Variants in FRYL observed in about 807,000 individuals in gnomAD.
FRYL encodes the protein FRY like transcription coactivator, also known as protein furry homolog-like.
FRYL carries 150 observed loss-of-function variants against 351.2 expected under a neutral mutation model. The observed-to-expected ratio is 0.43, with a 90% CI of 0.37 to 0.49. The LOEUF (loss-of-function observed/expected upper bound fraction) is 0.49, where lower values mean the gene tolerates loss of function less well. Among genes scored for constraint, FRYL ranks in the 20% least tolerant of loss-of-function variants. The pLI, the probability that FRYL is intolerant of heterozygous loss-of-function variation, is 0.00. For synonymous variants in FRYL, 1,153 were observed against 1,257.1 expected (o/e 0.92, Z 1.75); for missense variants, 3,036 against 3,619.3 (o/e 0.84, Z 4.13).
chr4:48,562,641 C>T lies in FRYL; in HGVS notation c.3696+248G>A, dbSNP rs1404709420. ...ACATATTTATAAGTACCTTCATACA[C>T]ATACACACACATTATCATAAATAAT... On this transcript the variant is annotated intron_variant, in intron 32 of 63. Coordinates refer to ENST00000358350, the MANE Select transcript of FRYL (RefSeq NM_015030.2). Among the ~76,000 whole-genome samples the T allele has an allele frequency of 5.9e-5, 9 of 152,290 alleles. No homozygotes were observed. In the South Asian group the frequency reaches 1.7e-3, roughly 28 times the overall value.
chr4:48,647,155 T>C (rs1376060388), intron 3 of FRYL, among the ~76,000 whole-genome samples: 2 of 152,160 alleles, frequency 1.3e-5, no homozygotes, highest in Admixed American at 6.5e-5. Flanking sequence ...GCCGAGATAC[T>C]ACAACTGAAG....
chr4:48,647,808 C>T (rs970134400), intron 3 of FRYL, among the ~76,000 whole-genome samples: 27 of 152,162 alleles, frequency 1.8e-4, no homozygotes, highest in Non-Finnish European at 4.4e-5. Context: ...TTAGGATCCA[C>T]TTCTCAAAGC....
chr4:48,604,918 G>GA (rs1345681071), intron 11 of FRYL, among the ~76,000 whole-genome samples: 1 of 149,754 alleles, frequency 6.7e-6, no homozygotes, highest in Non-Finnish European at 1.5e-5. Flanking sequence ...CCATCTGGGA[G>GA]AAAAAAAAAG....
intron 3 of FRYL, among the ~76,000 whole-genome samples, chr4:48,676,468 A>G (rs1443254690): frequency 6.6e-6 from 1 of 152,150 alleles, no homozygotes; most frequent in Non-Finnish European, 1.5e-5. Flanking sequence ...TGAGACCAAG[A>G]AACCACCAAT....
intron 1 of FRYL, among the ~76,000 whole-genome samples, chr4:48,732,165 A>C (rs898039561): frequency 6.6e-6 from 1 of 152,248 alleles, no homozygotes; most frequent in Non-Finnish European, 1.5e-5. Context: ...GCCAACAGAC[A>C]TTTGAAAAAA....
rs368836208 is a variant in FRYL, at chr4:48,642,351, C to T, written c.-80-7861G>A. On this transcript the variant is annotated intron_variant, in intron 3 of 63. Coordinates refer to ENST00000358350, the MANE Select transcript of FRYL (RefSeq NM_015030.2). Reference sequence around the variant, plus strand: ...TGACACACCTCCATTAACTCGTCTTCTTTTGTGTACCTAGAGAAAAAAATG... The same window carrying T: ...TGACACACCTCCATTAACTCGTCTTTTTTTGTGTACCTAGAGAAAAAAATG... Among the ~76,000 whole-genome samples the T allele has an allele frequency of 7.2e-5, 11 of 152,220 alleles. No homozygotes were observed. The South Asian group carries it at 2.3e-3, about 32-fold the overall frequency.
At position 48,534,618 on chromosome 4, in the gene FRYL, T is replaced by G. The variant is rs529130639; in HGVS notation, c.6632A>C (p.His2211Pro). 1.2e-5 allele frequency: 19 copies of G among 1,603,106 alleles called. No individual in the cohort carries two copies. Among genetic ancestry groups the G allele is most frequent in the Non-Finnish European group, 1.6e-5 (19 of 1,170,294 alleles). The change falls in exon 49 of 64, where the codon CAT (histidine) becomes CCT (proline). Residue 2211 changes from histidine (H) to proline (P), a missense_variant. Coordinates refer to ENST00000358350, the MANE Select transcript of FRYL (RefSeq NM_015030.2). ...GGCTGGGGCTGCAGACAGGTCAATA[T>G]GACTCAATAGACTATAAATAATCTG... ...LLQIIYSLLS[H>P]IDLSAAPAKQ...
At chr4:48,644,386 C>G (rs1239072952) in intron 3 of FRYL, among the ~76,000 whole-genome samples, 2 of 150,988 alleles carry the variant, frequency 1.3e-5, no homozygotes, top group Non-Finnish European at 2.9e-5. Flanking sequence ...TAACTATAAT[C>G]AGAACATAAC....
intron 4 of FRYL, among the ~76,000 whole-genome samples, chr4:48,631,461 T>C (rs1752939409): frequency 6.6e-6 from 1 of 151,950 alleles, no homozygotes; most frequent in South Asian, 2.1e-4. Flanking sequence ...ATTATTATTA[T>C]TAGAAAAACA....
chr4:48,639,140 A>G (rs1432979723), intron 3 of FRYL, among the ~76,000 whole-genome samples: 4 of 152,048 alleles, frequency 2.6e-5, no homozygotes, highest in African/African-American at 9.7e-5. Context: ...GCAAACACAA[A>G]ATTTTTAGTT....
At chr4:48,505,041 T>C (rs533463961) in intron 60 of FRYL, among the ~76,000 whole-genome samples, 1 of 152,312 alleles carries the variant, frequency 6.6e-6, no homozygotes, top group Non-Finnish European at 1.5e-5. Context: ...CTTACTACAA[T>C]GTATGTGTTT....
intron 56 of FRYL, 37 bp downstream of exon 56, chr4:48,514,991 T>C: frequency 6.4e-7 from 1 of 1,560,812 alleles, no homozygotes; most frequent in Non-Finnish European, 8.7e-7. Flanking sequence ...GGAGAGATTA[T>C]CCCCTCACTA....
intron 27 of FRYL, among the ~76,000 whole-genome samples, chr4:48,568,437 T>A (rs1376628843): frequency 6.6e-6 from 1 of 152,222 alleles, no homozygotes; most frequent in Non-Finnish European, 1.5e-5. Context: ...AGGATGTAAA[T>A]GAACTGCTAT....
chr4:48,627,151 C>T (rs916589426), intron 4 of FRYL, among the ~76,000 whole-genome samples: 18 of 152,126 alleles, frequency 1.2e-4, no homozygotes, highest in Non-Finnish European at 2.2e-4. Context: ...TCCTGTAGAA[C>T]ACTGTTTCTA....
intron 3 of FRYL, among the ~76,000 whole-genome samples, chr4:48,647,208 T>C (rs1756681355): frequency 6.6e-6 from 1 of 152,178 alleles, no homozygotes; most frequent in Admixed American, 6.5e-5. Flanking sequence ...GGGCTGATGG[T>C]AAGTCACTTG....
At chr4:48,717,417 G>C (rs1768989840) in intron 1 of FRYL, among the ~76,000 whole-genome samples, 1 of 151,656 alleles carries the variant, frequency 6.6e-6, no homozygotes, top group Admixed American at 6.6e-5. Context: ...CTAGGGCCAG[G>C]AGACAAAAGA....
intron 55 of FRYL, among the ~76,000 whole-genome samples, chr4:48,516,574 T>G (rs1264459749): frequency 6.6e-6 from 1 of 152,174 alleles, no homozygotes; most frequent in East Asian, 1.9e-4. Flanking sequence ...AAAATAGAAT[T>G]TTCCTTCCAA....
intron 42 of FRYL, among the ~76,000 whole-genome samples, chr4:48,545,186 T>C (rs546129465): frequency 6.6e-6 from 1 of 152,338 alleles, no homozygotes; most frequent in Non-Finnish European, 1.5e-5. Flanking sequence ...ACTGCTTATG[T>C]GTTCCAGGTC....
intron 1 of FRYL, among the ~76,000 whole-genome samples, chr4:48,736,508 C>A (rs1771421518): frequency 6.6e-6 from 1 of 151,708 alleles, no homozygotes; most frequent in Non-Finnish European, 1.5e-5. Flanking sequence ...AAAATGAAAG[C>A]AGAGACAATA....
Sources: gnomAD v4.1 joint callset for allele counts (sites outside exome capture counted in the v4.1 genomes callset) on GRCh38, gnomAD v4.1.1 for gene constraint, MANE v1.5 for transcripts, NCBI Gene and HGNC (gene_info 2026-07-23, HGNC 2026-07-21) for gene names.